RSRP1: variants seen among roughly 807,000 people sequenced by gnomAD.
RSRP1 encodes arginine and serine rich protein 1, also known as arginine/serine-rich protein 1.
In RSRP1, 37 loss-of-function variants were observed where a neutral mutation model predicts 33.0. That is an observed-to-expected ratio of 1.12 (90% CI 0.86 to 1.48). The LOEUF (loss-of-function observed/expected upper bound fraction) is 1.48, where lower values mean the gene tolerates loss of function less well. Among genes scored for constraint, RSRP1 ranks in the 40% most tolerant of loss-of-function variants. RSRP1 has a pLI of 0.00. For missense variants in RSRP1, 402 were observed against 385.3 expected (o/e 1.04, Z -0.36); for synonymous variants, 167 against 158.7 (o/e 1.05, Z -0.40).
At chr1:25,331,565 T>TG (rs1491488876) in intron 1 of RSRP1, among the ~76,000 whole-genome samples, 1 of 9,576 alleles carries the variant, frequency 1.0e-4, no homozygotes, top group Admixed American at 2.6e-3. Context: ...AAAAATGTGA[T>TG]TTTTTTTTTT....
chr1:25,265,684 G>C (rs1408857987), intron 1 of RSRP1, among the ~76,000 whole-genome samples: 7 of 28,422 alleles, frequency 2.5e-4, no homozygotes, highest in Admixed American at 7.3e-4. Flanking sequence ...TGGCCAGGCT[G>C]GTCTTGAACT....
chr1:25,306,780 G>T (rs1260970517), intron 1 of RSRP1: 2 of 1,353,084 alleles, frequency 1.5e-6, no homozygotes, highest in Middle Eastern at 1.8e-4. Context: ...CTCCAACTCA[G>T]GAAGAAATGT....
rs1221603352 is a variant in RSRP1 at position 25,318,418 on chromosome 1, T to A, written c.-67+19560A>T. 4.6e-5 allele frequency: 6 copies of A among 131,322 alleles called. No homozygotes were observed. The East Asian group carries it at 1.2e-3, about 26-fold the overall frequency. The allele number at this position is 131,322 out of a possible 1,614,324, so 8.1% of individuals were successfully genotyped here. A position where few individuals can be genotyped will look rare whatever the true frequency, so the allele number is the denominator to read the frequency against. On this transcript the variant is annotated intron_variant, in intron 1 of 1. Transcript: ENST00000561867. Reference sequence around the variant, plus strand: ...GCCTGACCAACATGGCAAAACCCTGTCTCTACCAGAAATACAAAAATTAGC... The same window carrying A: ...GCCTGACCAACATGGCAAAACCCTGACTCTACCAGAAATACAAAAATTAGC...
At chr1:25,281,457 A>T (rs1286858428) in intron 1 of RSRP1, among the ~76,000 whole-genome samples, 2 of 132,276 alleles carry the variant, frequency 1.5e-5, no homozygotes, top group African/African-American at 5.2e-5. Context: ...ACAAAATGGC[A>T]GATGCACTTT....
intron 1 of RSRP1, among the ~76,000 whole-genome samples, chr1:25,257,560 T>C (rs1639985498): frequency 1.3e-5 from 2 of 151,984 alleles, no homozygotes; most frequent in Admixed American, 6.6e-5. Flanking sequence ...AAAGGGTTTA[T>C]TGTGGGGAAT....
At chr1:25,244,801 A>G in intron 3 of RSRP1, 1 of 969,656 alleles carries the variant, frequency 1.0e-6, no homozygotes, top group Non-Finnish European at 1.3e-6. Flanking sequence ...CTCCTGCCTC[A>G]GCCTCCCAAA....
chr1:25,312,287 GT>G (rs1644190734), intron 1 of RSRP1, among the ~76,000 whole-genome samples: 1 of 100,184 alleles, frequency 1.0e-5, no homozygotes, highest in East Asian at 2.1e-4. Context: ...TCCTATGCCT[GT>G]TCCACTGTTG....
chr1:25,257,627 G>A (rs1012479960), intron 1 of RSRP1, among the ~76,000 whole-genome samples: 1 of 144,154 alleles, frequency 6.9e-6, no homozygotes. Context: ...TTGAGTCAGA[G>A]TCTCGCCCTG....
upstream of RSRP1, among the ~76,000 whole-genome samples, chr1:25,249,376 C>T (rs1013306140): frequency 4.6e-5 from 7 of 151,984 alleles, 1 homozygote; most frequent in Admixed American, 4.6e-4. Flanking sequence ...CTCGCTTTGG[C>T]GCCCAGGCTG....
intron 1 of RSRP1, among the ~76,000 whole-genome samples, chr1:25,255,291 A>G (rs1281974159): frequency 2.0e-5 from 3 of 152,040 alleles, no homozygotes; most frequent in Non-Finnish European, 4.4e-5. Flanking sequence ...GCTCCCCCCA[A>G]ATCCTTTCAC....
At position 25,293,078 on chromosome 1, in the gene RSRP1, G is replaced by A. The variant is rs56818965; in HGVS notation, c.-67+44900C>T. 0.014 allele frequency among the ~76,000 whole-genome samples: 1,890 copies of A among 131,602 alleles called. 304 individuals carry two copies. The East Asian group carries it at 0.24, about 17-fold the overall frequency. 86.3% of individuals were successfully genotyped at this position (131,602 alleles called of 152,430 possible). ...CCAGGAGACCTTGGCATGCATGGTTGTAGAGGAGGATGAAGGCAACAGCCT... is the reference window on the plus strand; with the variant it reads ...CCAGGAGACCTTGGCATGCATGGTTATAGAGGAGGATGAAGGCAACAGCCT... On this transcript the variant is annotated intron_variant, in intron 1 of 1. Coordinates refer to the RSRP1 transcript ENST00000561867.
At chr1:25,314,584 C>A (rs1644337557) in intron 1 of RSRP1, among the ~76,000 whole-genome samples, 1 of 133,014 alleles carries the variant, frequency 7.5e-6, no homozygotes, top group East Asian at 1.9e-4. Flanking sequence ...ACCTCTGCCT[C>A]CCAGCTTCAA....
In RSRP1 at chr1:25,334,122, T is replaced by A. The variant is rs1439359813; in HGVS notation, c.-67+3856A>T. 2.3e-5 allele frequency among the ~76,000 whole-genome samples: 3 copies of A among 131,462 alleles called. 1 individual carries two copies. The highest frequency in any genetic ancestry group is 7.8e-5 in the African/African-American group (3 of 38,318). The allele number at this position is 131,462 out of a possible 152,430, so 86.2% of individuals were successfully genotyped here. A position where few individuals can be genotyped will look rare whatever the true frequency, so the allele number is the denominator to read the frequency against. ...AATGTCTCATCTGAGACAAGGCAAG[T>A]CCTTTCCATCTATGAGCCTATAAAA... On this transcript the variant is annotated intron_variant, in intron 1 of 1. Coordinates refer to the RSRP1 transcript ENST00000561867.
rs1367781250 is a variant in RSRP1, at chr1:25,319,347, G to T, written c.-67+18631C>A. 5.3e-5 allele frequency among the ~76,000 whole-genome samples: 7 copies of T among 132,666 alleles called. 3 individuals carry two copies. The highest frequency in any genetic ancestry group is 1.1e-4 in the Non-Finnish European group (6 of 55,916). The allele number at this position is 132,666 out of a possible 152,430, so 87.0% of individuals were successfully genotyped here. ...ACTGGTGATTAAAAACAACTTGGGTGGCTCATACTTGTAATCCCAGCACCT... is the reference window on the plus strand; with the variant it reads ...ACTGGTGATTAAAAACAACTTGGGTTGCTCATACTTGTAATCCCAGCACCT... On this transcript the variant is annotated intron_variant, in intron 1 of 1. Coordinates refer to the RSRP1 transcript ENST00000561867.
upstream of RSRP1, chr1:25,247,647 T>C (rs1462131509): frequency 6.6e-6 from 1 of 151,628 alleles, no homozygotes. Context: ...CAGGGGGAGG[T>C]GTTTGATACA....
intron 1 of RSRP1, among the ~76,000 whole-genome samples, chr1:25,296,965 C>A (rs1643009029): frequency 7.6e-6 from 1 of 131,116 alleles, no homozygotes; most frequent in Non-Finnish European, 1.8e-5. Flanking sequence ...TCTTACATAA[C>A]CTTTTTTCAG....
intron 1 of RSRP1, among the ~76,000 whole-genome samples, chr1:25,281,555 A>AGTGAGCAC: frequency 7.6e-6 from 1 of 132,168 alleles, no homozygotes; most frequent in East Asian, 2.0e-4. Context: ...CTGCTCCCGC[A>AGTGAGCAC]TGTGCACTGC....
At chr1:25,260,896 G>A (rs1640115757) in intron 1 of RSRP1, among the ~76,000 whole-genome samples, 1 of 151,688 alleles carries the variant, frequency 6.6e-6, no homozygotes, top group South Asian at 2.1e-4. Context: ...CTGCCTCCCA[G>A]GTTCAAGCAA....
At chr1:25,297,671 T>C (rs1388622763) in intron 1 of RSRP1, among the ~76,000 whole-genome samples, 2 of 132,296 alleles carry the variant, frequency 1.5e-5, no homozygotes, top group Non-Finnish European at 3.6e-5. Context: ...GCTCCTGGAT[T>C]CCGGTTTACA....
Sources: allele counts gnomAD v4.1 joint callset (sites outside exome capture counted in the v4.1 genomes callset), GRCh38; gene constraint gnomAD v4.1.1; transcripts MANE v1.5; gene names NCBI Gene and HGNC (gene_info 2026-07-23, HGNC 2026-07-21).